The following ARMH4 variants were observed in gnomAD, a reference collection of about 807,000 sequenced individuals.
ARMH4 encodes armadillo-like helical domain-containing protein 4.
A neutral mutation model predicts 61.9 loss-of-function variants in ARMH4; 49 were observed. The ratio of observed to expected loss-of-function variants is 0.79; its 90% CI spans 0.63 to 1.00. The LOEUF (loss-of-function observed/expected upper bound fraction) is 1.00. Among genes scored for constraint, ARMH4 ranks in the 50% least tolerant of loss-of-function variants. ARMH4 has a pLI of 0.00. For synonymous variants in ARMH4, 368 were observed against 341.5 expected (o/e 1.08, Z -0.85); for missense variants, 934 against 930.0 (o/e 1.00, Z -0.06).
At chr14:58,050,680 T>C (rs1884107874) in intron 5 of ARMH4, among the ~76,000 whole-genome samples, 2 of 151,984 alleles carry the variant, frequency 1.3e-5, no homozygotes, top group Admixed American at 6.6e-5. Context: ...AAAAAACACA[T>C]AACATTTATG....
intron 5 of ARMH4, among the ~76,000 whole-genome samples, chr14:58,055,231 G>C (rs1162222687): frequency 6.6e-6 from 1 of 152,154 alleles, no homozygotes; most frequent in East Asian, 1.9e-4. Context: ...ATTCTCTATG[G>C]GGCCACATTT....
chr14:58,004,814 G>T lies in ARMH4; in HGVS notation c.2257-10C>A. On this transcript the variant is annotated splice_polypyrimidine_tract_variant and intron_variant, in intron 7 of 7. Coordinates refer to ENST00000267485, the MANE Select transcript of ARMH4 (RefSeq NM_001001872.4). ...TGTTGAATTCTCTCTGCTAGAGAAA[G>T]AAAACAGAAAAGCATTAAACTCTTT... The T allele has an allele frequency of 6.2e-7, 1 of 1,605,302 alleles. No individual in the cohort carries two copies. The highest frequency in any genetic ancestry group is 8.5e-7 in the Non-Finnish European group (1 of 1,172,764).
At chr14:58,149,838 A>G (rs1253613719) in intron 1 of ARMH4, among the ~76,000 whole-genome samples, 1 of 152,266 alleles carries the variant, frequency 6.6e-6, no homozygotes, top group African/African-American at 2.4e-5. Context: ...GTTTGAAACA[A>G]AAGTAAATTA....
chr14:58,062,650 T>C (rs1884569748), intron 5 of ARMH4, among the ~76,000 whole-genome samples: 1 of 152,202 alleles, frequency 6.6e-6, no homozygotes, highest in Non-Finnish European at 1.5e-5. Flanking sequence ...CTAGCTATAT[T>C]AACTTTTTTA....
At chr14:58,100,330 T>C (rs545308197) in intron 4 of ARMH4, among the ~76,000 whole-genome samples, 1 of 152,310 alleles carries the variant, frequency 6.6e-6, no homozygotes, top group Admixed American at 6.5e-5. Flanking sequence ...ACTTCAGATG[T>C]GACATCATAT....
chr14:58,032,791 G>T (rs572012065), intron 5 of ARMH4, among the ~76,000 whole-genome samples: 1 of 152,104 alleles, frequency 6.6e-6, no homozygotes, highest in East Asian at 1.9e-4. Context: ...AAGAGGTGAC[G>T]GACGCACCTG....
intron 4 of ARMH4, 21 bp downstream of exon 4, chr14:58,131,491 T>A (rs1217141675): frequency 1.9e-6 from 3 of 1,594,310 alleles, no homozygotes; most frequent in Non-Finnish European, 2.6e-6. Context: ...CTTGAAAAGA[T>A]CCCCTTCAAA....
intron 5 of ARMH4, among the ~76,000 whole-genome samples, chr14:58,090,137 T>C (rs1885509481): frequency 1.3e-5 from 2 of 152,162 alleles, no homozygotes; most frequent in Admixed American, 6.5e-5. Context: ...CAATGTTAGA[T>C]GTAGACTTTT....
intron 4 of ARMH4, among the ~76,000 whole-genome samples, chr14:58,098,793 C>G (rs1027476924): frequency 1.3e-5 from 2 of 149,394 alleles, no homozygotes; most frequent in Non-Finnish European, 3.0e-5. Flanking sequence ...TTTTTTAAGT[C>G]TTTTATTTAT....
chr14:58,116,453 C>A, intron 4 of ARMH4: 1 of 361,654 alleles, frequency 2.8e-6, no homozygotes, highest in Non-Finnish European at 5.8e-6. Flanking sequence ...GGCAGGCAGA[C>A]TTCTTAAGCC....
intron 4 of ARMH4, among the ~76,000 whole-genome samples, chr14:58,119,334 T>A (rs1886641837): frequency 6.6e-6 from 1 of 152,240 alleles, no homozygotes. Context: ...ATTCTATACA[T>A]ATTTAAGGTT....
chr14:58,059,481 G>T (rs1198209086), intron 5 of ARMH4, among the ~76,000 whole-genome samples: 3 of 152,208 alleles, frequency 2.0e-5, no homozygotes, highest in African/African-American at 7.2e-5. Flanking sequence ...CAACATTTTT[G>T]ACCAGTATGC....
intron 6 of ARMH4, among the ~76,000 whole-genome samples, chr14:58,006,933 AATT>A (rs1204153120): frequency 6.8e-5 from 10 of 147,084 alleles, no homozygotes; most frequent in African/African-American, 1.6e-4. Context: ...TAAATAAATT[AATT>A]AATTAATATG....
intron 1 of ARMH4, among the ~76,000 whole-genome samples, chr14:58,149,506 T>G (rs1337106058): frequency 6.6e-6 from 1 of 152,136 alleles, no homozygotes; most frequent in Non-Finnish European, 1.5e-5. Flanking sequence ...TACTGGAAAC[T>G]AAATACCAGT....
chr14:58,139,455 A>G, intron 1 of ARMH4, 41 bp from the exon 2 acceptor site: 4 of 1,101,976 alleles, frequency 3.6e-6, no homozygotes, highest in Non-Finnish European at 5.3e-6. Flanking sequence ...ATATAAATAC[A>G]TGTTGTAAAT....
chr14:58,017,130 A>G (rs1446528500), intron 5 of ARMH4, among the ~76,000 whole-genome samples: 1 of 152,140 alleles, frequency 6.6e-6, no homozygotes, highest in Non-Finnish European at 1.5e-5. Flanking sequence ...AGCCTGGGCA[A>G]CATAGCAAAA....
intron 4 of ARMH4, among the ~76,000 whole-genome samples, chr14:58,130,285 T>C (rs1728540260): frequency 6.6e-6 from 1 of 152,240 alleles, no homozygotes; most frequent in Non-Finnish European, 1.5e-5. Context: ...AGGCTTCTAC[T>C]GTGGAATTCT....
intron 5 of ARMH4, among the ~76,000 whole-genome samples, chr14:58,085,402 A>G (rs1885348206): frequency 7.9e-6 from 1 of 125,828 alleles, no homozygotes. Flanking sequence ...TTCATATTTC[A>G]ATAATTCCCC....
chr14:58,111,862 T>C (rs188126411), intron 4 of ARMH4, among the ~76,000 whole-genome samples: 276 of 152,134 alleles, frequency 1.8e-3, no homozygotes, highest in African/African-American at 6.4e-3. Context: ...CCAGCTAATT[T>C]ATTTCATTTT....
Sources: allele counts gnomAD v4.1 joint callset (sites outside exome capture counted in the v4.1 genomes callset), GRCh38; gene constraint gnomAD v4.1.1; transcripts MANE v1.5; gene names NCBI Gene and HGNC (gene_info 2026-07-23, HGNC 2026-07-21).